Variants in TRPC4 observed in about 807,000 individuals in gnomAD.
TRPC4 encodes the protein short transient receptor potential channel 4.
A neutral mutation model predicts 99.4 loss-of-function variants in TRPC4; 49 were observed. The ratio of observed to expected loss-of-function variants is 0.49; its 90% CI spans 0.39 to 0.63. TRPC4 has a LOEUF of 0.63. TRPC4 is among the 20% of genes least tolerant of loss of function. TRPC4 has a pLI of 0.00. For synonymous variants in TRPC4, 454 were observed against 425.9 expected (o/e 1.07, Z -0.81); for missense variants, 898 against 1,152.9 (o/e 0.78, Z 3.20).
At position 37,859,141 on chromosome 13, in the gene TRPC4, AAG is replaced by A. The variant is rs1299216993; in HGVS notation, c.-28+10452_-28+10453del. On this transcript the variant is annotated intron_variant, in intron 1 of 10. Coordinates refer to ENST00000379705, the MANE Select transcript of TRPC4 (RefSeq NM_016179.4). ...GTTTACAGATAGGACATGGTGAAAA[AAG>A]AGGATTCATAAATGGGAAGAGAGCT... Among the ~76,000 whole-genome samples the A allele has an allele frequency of 6.6e-5, 10 of 151,612 alleles. No individual in the cohort carries two copies. In the South Asian group the frequency reaches 8.3e-4, roughly 13 times the overall value.
intron 6 of TRPC4, among the ~76,000 whole-genome samples, chr13:37,656,484 T>C (rs548159345): frequency 2.9e-4 from 44 of 152,192 alleles, no homozygotes; most frequent in Non-Finnish European, 4.6e-4. Context: ...TATGGAAAGG[T>C]AGTCCTTGTG....
At chr13:37,702,220 T>C (rs2138939025) in intron 3 of TRPC4, among the ~76,000 whole-genome samples, 1 of 152,318 alleles carries the variant, frequency 6.6e-6, no homozygotes, top group South Asian at 2.1e-4. Context: ...TAAGAGTCTG[T>C]CCCACTCCAG....
chr13:37,772,535 A>G (rs1426898629), intron 2 of TRPC4, among the ~76,000 whole-genome samples: 2 of 151,804 alleles, frequency 1.3e-5, no homozygotes, highest in African/African-American at 2.4e-5. Context: ...ATATGCATAT[A>G]TACACATACC....
rs532068942 is a variant in TRPC4, at chr13:37,726,198, C to G, written c.897+19739G>C. 2.4e-4 allele frequency among the ~76,000 whole-genome samples: 36 copies of G among 147,866 alleles called. 1 individual carries two copies. Among genetic ancestry groups the G allele is most frequent in the Middle Eastern group, 3.5e-3 (1 of 288 alleles). On this transcript the variant is annotated intron_variant, in intron 3 of 10. Transcript: ENST00000379705. The stretch of plus-strand genomic sequence containing the variant: ...GCGACAGAGTGAGACACCGTCCCCC[C>G]CCAAAAAAAAAAGTTAGTATTATTA...
chr13:37,791,343 C>T (rs888225133), intron 1 of TRPC4, among the ~76,000 whole-genome samples: 18 of 149,192 alleles, frequency 1.2e-4, no homozygotes, highest in African/African-American at 4.5e-4. Context: ...TTGCAGTGAG[C>T]CGATATCGTG....
intron 1 of TRPC4, among the ~76,000 whole-genome samples, chr13:37,800,225 C>T (rs1416281832): frequency 6.6e-6 from 1 of 152,154 alleles, no homozygotes; most frequent in East Asian, 1.9e-4. Flanking sequence ...ATAGGTCTTA[C>T]TATGTTGTCC....
chr13:37,646,442 C>T (rs373864281), intron 8 of TRPC4, among the ~76,000 whole-genome samples: 1 of 152,226 alleles, frequency 6.6e-6, no homozygotes, highest in East Asian at 1.9e-4. Flanking sequence ...ATATGTCTCA[C>T]ATTAATGAAA....
At chr13:37,775,174 G>A (rs1473745208) in intron 2 of TRPC4, among the ~76,000 whole-genome samples, 4 of 151,564 alleles carry the variant, frequency 2.6e-5, no homozygotes, top group African/African-American at 4.8e-5. Context: ...ACTTCACAGG[G>A]TATTTGCTTT....
chr13:37,856,885 C>A lies in TRPC4; in HGVS notation c.-28+12710G>T, dbSNP rs538073163. Among the ~76,000 whole-genome samples, 21 of 151,412 alleles carry A rather than the reference C, an allele frequency of 1.4e-4. No individual in the cohort carries two copies. In the South Asian group the frequency reaches 4.4e-3, roughly 31 times the overall value. ...ACTCTCAAAAAACTGCATATAGAAA[C>A]AATATACCTTCACATGATAAAAGCA... On this transcript the variant is annotated intron_variant, in intron 1 of 10. Coordinates refer to ENST00000379705, the MANE Select transcript of TRPC4 (RefSeq NM_016179.4).
At chr13:37,797,502 C>A (rs1386644113) in intron 1 of TRPC4, among the ~76,000 whole-genome samples, 1 of 152,108 alleles carries the variant, frequency 6.6e-6, no homozygotes, top group East Asian at 1.9e-4. Context: ...TATTTAACAT[C>A]CTGAAAACAG....
At chr13:37,728,871 C>A (rs1031157800) in intron 3 of TRPC4, among the ~76,000 whole-genome samples, 3 of 152,012 alleles carry the variant, frequency 2.0e-5, no homozygotes, top group African/African-American at 4.8e-5. Flanking sequence ...TAGAAATGAG[C>A]CCTCACATAT....
At chr13:37,795,326 C>T (rs1957218339) in intron 1 of TRPC4, among the ~76,000 whole-genome samples, 2 of 152,068 alleles carry the variant, frequency 1.3e-5, no homozygotes, top group Admixed American at 1.3e-4. Flanking sequence ...GTAAATTATA[C>T]CTCAAATAAA....
chr13:37,722,274 G>T (rs936527231), intron 3 of TRPC4, among the ~76,000 whole-genome samples: 1 of 152,158 alleles, frequency 6.6e-6, no homozygotes, highest in Non-Finnish European at 1.5e-5. Context: ...CAGCCTGGGT[G>T]TTCAATGCTT....
intron 4 of TRPC4, among the ~76,000 whole-genome samples, chr13:37,690,488 C>T (rs933755574): frequency 1.2e-4 from 18 of 152,060 alleles, no homozygotes; most frequent in African/African-American, 4.1e-4. Context: ...CTAATTTTCA[C>T]ATTTTTAGTA....
chr13:37,683,505 A>G lies in TRPC4; in HGVS notation c.1234+8494T>C, dbSNP rs143079625. Among the ~76,000 whole-genome samples the G allele has an allele frequency of 7.5e-3, 1,138 of 152,148 alleles. 13 individuals carry two copies. Among genetic ancestry groups the G allele is most frequent in the African/African-American group, 0.026 (1,098 of 41,508 alleles). On this transcript the variant is annotated intron_variant, in intron 4 of 10. Coordinates refer to ENST00000379705, the MANE Select transcript of TRPC4 (RefSeq NM_016179.4). Reference sequence around the variant, plus strand: ...CTGGTTACAGGAGTGGAGGGACTGGAAGACTCCTGGAAGAGTTGAATCTCT... The same window carrying G: ...CTGGTTACAGGAGTGGAGGGACTGGGAGACTCCTGGAAGAGTTGAATCTCT...
intron 3 of TRPC4, among the ~76,000 whole-genome samples, chr13:37,729,400 C>G (rs997716666): frequency 1.4e-4 from 21 of 151,340 alleles, no homozygotes; most frequent in African/African-American, 5.1e-4. Context: ...AATGGTAAAG[C>G]CACTGTGAAA....
intron 3 of TRPC4, among the ~76,000 whole-genome samples, chr13:37,742,272 C>A (rs1231748190): frequency 6.6e-6 from 1 of 152,108 alleles, no homozygotes; most frequent in South Asian, 2.1e-4. Context: ...ATCCTGCCAA[C>A]ATTAATTGTT....
chr13:37,754,306 C>T (rs1214767975), intron 2 of TRPC4, among the ~76,000 whole-genome samples: 1 of 152,082 alleles, frequency 6.6e-6, no homozygotes, highest in Non-Finnish European at 1.5e-5. Context: ...ATTTTCCTAA[C>T]ACATAAAATA....
intron 1 of TRPC4, among the ~76,000 whole-genome samples, chr13:37,818,440 C>T (rs961889868): frequency 1.3e-5 from 2 of 152,054 alleles, no homozygotes; most frequent in East Asian, 3.9e-4. Context: ...ACCCCGCAAT[C>T]CCATTACTGG....
Sources: allele counts gnomAD v4.1 joint callset (sites outside exome capture counted in the v4.1 genomes callset), GRCh38; gene constraint gnomAD v4.1.1; transcripts MANE v1.5; gene names NCBI Gene and HGNC (gene_info 2026-07-23, HGNC 2026-07-21).